CUEDC1: variants seen among roughly 807,000 people sequenced by gnomAD.
CUEDC1 encodes the protein CUE domain-containing protein 1.
Under a neutral mutation model 43.7 loss-of-function variants are expected in CUEDC1, and 30 were observed. That is an observed-to-expected ratio of 0.69 (90% CI 0.51 to 0.93). The LOEUF (loss-of-function observed/expected upper bound fraction) is 0.93, where lower values mean the gene tolerates loss of function less well. Ranked by LOEUF, CUEDC1 falls within the 40% of genes least tolerant of loss-of-function variation. The pLI is 0.00. For synonymous variants in CUEDC1, 223 were observed against 223.6 expected, an observed-to-expected ratio of 1.00 and a Z score of 0.02; for missense variants, 486 against 549.0, an observed-to-expected ratio of 0.89 and a Z score of 1.15.
At chr17:57,868,614 T>C (rs1263988384) in intron 7 of CUEDC1, 4 of 355,846 alleles carry the variant, frequency 1.1e-5, no homozygotes, top group Non-Finnish European at 1.1e-5. Context: ...CCTCCAAAGT[T>C]GGTTCTGGGA....
At chr17:57,931,263 A>G (rs2074801419) in intron 1 of CUEDC1, among the ~76,000 whole-genome samples, 1 of 152,136 alleles carries the variant, frequency 6.6e-6, no homozygotes. Flanking sequence ...TGGGTGACTA[A>G]GTGACATCCT....
At chr17:57,895,039 A>T (rs1269569840) in intron 1 of CUEDC1, among the ~76,000 whole-genome samples, 1 of 152,244 alleles carries the variant, frequency 6.6e-6, no homozygotes. Context: ...AATAGTCATA[A>T]TGAGAATAGA....
At chr17:57,915,986 G>T (rs1422026927) in intron 1 of CUEDC1, among the ~76,000 whole-genome samples, 1 of 152,214 alleles carries the variant, frequency 6.6e-6, no homozygotes, top group Non-Finnish European at 1.5e-5. Flanking sequence ...ACTTTGCAGA[G>T]TTTACCCAGA....
At chr17:57,867,710 A>G (rs1260031209) in intron 8 of CUEDC1, 1 of 521,490 alleles carries the variant, frequency 1.9e-6, no homozygotes, top group Non-Finnish European at 3.5e-6. Flanking sequence ...AGAAGCATGA[A>G]TAGGAGTTCT....
chr17:57,865,527 T>G (rs1279380196), intron 10 of CUEDC1, among the ~76,000 whole-genome samples: 1 of 152,200 alleles, frequency 6.6e-6, no homozygotes. Flanking sequence ...AACAAGTGGC[T>G]GGGGAAGGCC....
At chr17:57,899,237 C>T (rs1358729096) in intron 1 of CUEDC1, among the ~76,000 whole-genome samples, 1 of 152,144 alleles carries the variant, frequency 6.6e-6, no homozygotes, top group Non-Finnish European at 1.5e-5. Flanking sequence ...TAGAGCCACT[C>T]ACTGCTGGGC....
chr17:57,916,122 G>T (rs902862302), intron 1 of CUEDC1, among the ~76,000 whole-genome samples: 1 of 152,252 alleles, frequency 6.6e-6, no homozygotes, highest in African/African-American at 2.4e-5. Context: ...TCACCCTCAA[G>T]GTCCCACCAA....
chr17:57,867,248 G>A, intron 9 of CUEDC1, 109 bp downstream of exon 9: 1 of 1,027,646 alleles, frequency 9.7e-7, no homozygotes, highest in Non-Finnish European at 1.5e-6. Context: ...AACCCTCAGT[G>A]TGTTCCTCCA....
At chr17:57,936,889 C>T (rs1406995979) in intron 1 of CUEDC1, among the ~76,000 whole-genome samples, 14 of 150,422 alleles carry the variant, frequency 9.3e-5, no homozygotes, top group Admixed American at 7.3e-4. Context: ...GGCGTGATCT[C>T]GGCTCACTGC....
At chr17:57,950,475 TTA>T (rs1419504002) in intron 1 of CUEDC1, among the ~76,000 whole-genome samples, 2 of 147,658 alleles carry the variant, frequency 1.4e-5, no homozygotes, top group African/African-American at 2.5e-5. Flanking sequence ...TTTTATTTAT[TTA>T]TTTTTTTTTT....
intron 1 of CUEDC1, among the ~76,000 whole-genome samples, chr17:57,929,211 G>C (rs1225608680): frequency 1.3e-5 from 2 of 152,126 alleles, no homozygotes; most frequent in African/African-American, 4.8e-5. Flanking sequence ...TTAACGATAA[G>C]CTTTACCCAA....
At chr17:57,868,772 C>T (rs1035634012) in intron 7 of CUEDC1, among the ~76,000 whole-genome samples, 1 of 151,922 alleles carries the variant, frequency 6.6e-6, no homozygotes, top group African/African-American at 2.4e-5. Flanking sequence ...GAAAGAGGTC[C>T]CCCACCCCCA....
intron 1 of CUEDC1, among the ~76,000 whole-genome samples, chr17:57,927,115 A>G (rs2074754968): frequency 6.6e-6 from 1 of 152,212 alleles, no homozygotes; most frequent in Non-Finnish European, 1.5e-5. Context: ...GCCAATGTTT[A>G]GAATCCTTTA....
At chr17:57,890,473 C>T (rs2074343303) in intron 1 of CUEDC1, among the ~76,000 whole-genome samples, 2 of 152,290 alleles carry the variant, frequency 1.3e-5, no homozygotes, top group South Asian at 4.1e-4. Context: ...AAGCAAACAA[C>T]CCACTGGGCT....
chr17:57,864,855 A>T (rs866756800), intron 10 of CUEDC1, among the ~76,000 whole-genome samples: 5 of 152,102 alleles, frequency 3.3e-5, no homozygotes, highest in Non-Finnish European at 7.4e-5. Flanking sequence ...GATGTTCGAA[A>T]CCAGCCTGGC....
At position 57,954,944 on chromosome 17, in the gene CUEDC1, C is replaced by G. The variant is rs1019598647; in HGVS notation, c.-316+281G>C. The stretch of plus-strand genomic sequence containing the variant: ...AATCGCGCGCCCCGCTCCCGGCCCC[C>G]CAGATGCCCGCACGCCCCCCGCGCC... On this transcript the variant is annotated intron_variant, in intron 1 of 10. Coordinates refer to ENST00000577830, the MANE Select transcript of CUEDC1 (RefSeq NM_001271875.2). The surrounding 1 kb of genome is among the most constrained non-coding windows in gnomAD (Gnocchi z 4.3). 1.3e-5 allele frequency among the ~76,000 whole-genome samples: 2 copies of G among 151,746 alleles called. No homozygotes were observed. The highest frequency in any genetic ancestry group is 1.3e-4 in the Admixed American group (2 of 15,240).
At chr17:57,869,294 GCTT>G (rs1421536716) in intron 6 of CUEDC1, 101 bp from the exon 7 acceptor site, 5 of 1,015,176 alleles carry the variant, frequency 4.9e-6, no homozygotes, top group Non-Finnish European at 7.6e-6. Context: ...GAAAGAGCAG[GCTT>G]CTTCCCTGGC....
intron 1 of CUEDC1, among the ~76,000 whole-genome samples, chr17:57,948,441 A>T (rs1022826813): frequency 6.6e-6 from 1 of 151,898 alleles, no homozygotes; most frequent in Non-Finnish European, 1.5e-5. Flanking sequence ...TGTTGGGCAG[A>T]CTCTGTTTGT....
In CUEDC1 at chr17:57,954,453, G is replaced by A. The variant is rs1421243902; in HGVS notation, c.-316+772C>T. 6.6e-6 allele frequency among the ~76,000 whole-genome samples: 1 copy of A among 152,180 alleles called. No individual in the cohort carries two copies. The highest frequency in any genetic ancestry group is 1.5e-5 in the Non-Finnish European group (1 of 68,034). ...GCTAAAACTTTTTTTAAGGGGAAAA[G>A]AAATGGGCAGGGCAGTGCTGGGTGT... On this transcript the variant is annotated intron_variant, in intron 1 of 10. Transcript: ENST00000577830. The surrounding 1 kb of genome is among the most constrained non-coding windows in gnomAD (Gnocchi z 4.3).
Sources: gnomAD v4.1 joint callset for allele counts (sites outside exome capture counted in the v4.1 genomes callset) on GRCh38, gnomAD v4.1.1 for gene constraint, Gnocchi (gnomAD v3.1) non-coding constraint, MANE v1.5 for transcripts, NCBI Gene and HGNC (gene_info 2026-07-23, HGNC 2026-07-21) for gene names.